THSD7B: variants seen among roughly 807,000 people sequenced by gnomAD.
THSD7B encodes the protein thrombospondin type-1 domain-containing protein 7B.
THSD7B carries 138 observed loss-of-function variants against 213.6 expected under a neutral mutation model. The observed-to-expected ratio is 0.65, with a 90% CI of 0.56 to 0.74. The LOEUF is 0.74. THSD7B is among the 30% of genes least tolerant of loss of function. The probability of loss-of-function intolerance (pLI) is 0.00; values close to 1 mark genes in which losing one functional copy is unlikely to be tolerated. For synonymous variants in THSD7B, 742 were observed against 687.0 expected (o/e 1.08, Z -1.25); for missense variants, 1,931 against 1,991.5 (o/e 0.97, Z 0.58).
At chr2:137,231,719 G>T (rs994404289) in intron 8 of THSD7B, among the ~76,000 whole-genome samples, 1 of 152,176 alleles carries the variant, frequency 6.6e-6, no homozygotes, top group Non-Finnish European at 1.5e-5. Flanking sequence ...TCTGCAGGAG[G>T]GGGGCACATC....
chr2:137,366,135 G>T (rs145654120), intron 12 of THSD7B, among the ~76,000 whole-genome samples: 1 of 152,042 alleles, frequency 6.6e-6, no homozygotes, highest in Non-Finnish European at 1.5e-5. Context: ...GCAAACTATC[G>T]CAAGGACAGA....
At chr2:137,073,113 C>A (rs1019213895) in intron 3 of THSD7B, among the ~76,000 whole-genome samples, 17 of 152,222 alleles carry the variant, frequency 1.1e-4, no homozygotes, top group African/African-American at 3.9e-4. Context: ...ATGATGCTGG[C>A]CTCATAAAAT....
intron 1 of THSD7B, among the ~76,000 whole-genome samples, chr2:136,775,675 T>C (rs1681588422): frequency 6.6e-6 from 1 of 152,106 alleles, no homozygotes; most frequent in African/African-American, 2.4e-5. Flanking sequence ...TCTTGAAGAA[T>C]ATAGTGTTAA....
chr2:137,348,703 CTTT>C (rs80150345), intron 12 of THSD7B, among the ~76,000 whole-genome samples: 102 of 110,906 alleles, frequency 9.2e-4, no homozygotes, highest in African/African-American at 3.4e-3. Flanking sequence ...CTATGAACTC[CTTT>C]TTTTTTTTTT....
chr2:137,246,648 G>A (rs1403258719), intron 10 of THSD7B, among the ~76,000 whole-genome samples: 1 of 152,136 alleles, frequency 6.6e-6, no homozygotes, highest in Non-Finnish European at 1.5e-5. Flanking sequence ...AAGGATCAAT[G>A]ATAGTCTCAT....
chr2:137,666,674 G>A (rs1683454262), intron 26 of THSD7B, among the ~76,000 whole-genome samples: 1 of 151,906 alleles, frequency 6.6e-6, no homozygotes, highest in Admixed American at 6.6e-5. Context: ...GGGATGCTGA[G>A]ACATTGCCTT....
At chr2:137,634,258 T>C (rs1280983369) in intron 20 of THSD7B, among the ~76,000 whole-genome samples, 1 of 152,162 alleles carries the variant, frequency 6.6e-6, no homozygotes, top group Non-Finnish European at 1.5e-5. Context: ...CCAATGATTG[T>C]GCATAAACTT....
At chr2:137,153,938 G>C (rs929367938) in intron 5 of THSD7B, among the ~76,000 whole-genome samples, 13 of 152,150 alleles carry the variant, frequency 8.5e-5, no homozygotes, top group African/African-American at 3.1e-4. Context: ...AAAGCCCATG[G>C]AATTGGGGAG....
intron 15 of THSD7B, among the ~76,000 whole-genome samples, chr2:137,507,692 T>G (rs1679868608): frequency 6.6e-6 from 1 of 152,188 alleles, no homozygotes; most frequent in Non-Finnish European, 1.5e-5. Context: ...TCCTTTTTCT[T>G]CCTCTTTTTC....
At chr2:136,888,491 GGA>G (rs1558839052) in intron 2 of THSD7B, among the ~76,000 whole-genome samples, 2 of 151,964 alleles carry the variant, frequency 1.3e-5, no homozygotes, top group African/African-American at 4.8e-5. Flanking sequence ...AATGTTCTTA[GGA>G]GAGAGCTATT....
At chr2:136,975,093 A>G (rs1293029134) in intron 2 of THSD7B, among the ~76,000 whole-genome samples, 1 of 144,144 alleles carries the variant, frequency 6.9e-6, no homozygotes, top group South Asian at 2.2e-4. Flanking sequence ...GACTCTGGAT[A>G]TTAGACCTTT....
At chr2:136,862,729 G>T (rs1683274151) in intron 1 of THSD7B, among the ~76,000 whole-genome samples, 2 of 152,162 alleles carry the variant, frequency 1.3e-5, no homozygotes, top group African/African-American at 4.8e-5. Context: ...GTAGAAAAAA[G>T]CATTTTATTC....
At chr2:137,665,439 A>ATG (rs1245391279) in intron 26 of THSD7B, among the ~76,000 whole-genome samples, 5 of 151,748 alleles carry the variant, frequency 3.3e-5, no homozygotes, top group Admixed American at 1.3e-4. Flanking sequence ...TATAAATTGC[A>ATG]TGTGTGTGTG....
intron 15 of THSD7B, among the ~76,000 whole-genome samples, chr2:137,452,444 G>C (rs1188171463): frequency 6.6e-6 from 1 of 152,088 alleles, no homozygotes; most frequent in African/African-American, 2.4e-5. Flanking sequence ...TCAGGAGGGA[G>C]ACTTTTAGGG....
At chr2:137,554,026 C>A (rs1044448340) in intron 15 of THSD7B, among the ~76,000 whole-genome samples, 1 of 143,814 alleles carries the variant, frequency 7.0e-6, no homozygotes, top group Non-Finnish European at 1.5e-5. Context: ...AAGATAGCTA[C>A]TTTTTTTTTT....
intron 14 of THSD7B, among the ~76,000 whole-genome samples, chr2:137,448,507 G>T (rs1687584649): frequency 1.3e-5 from 2 of 152,136 alleles, no homozygotes; most frequent in South Asian, 4.1e-4. Context: ...ATCTGAATGT[G>T]TTTAAAAACT....
At chr2:137,344,608 AGT>A (rs945954341) in intron 12 of THSD7B, among the ~76,000 whole-genome samples, 6 of 151,724 alleles carry the variant, frequency 4.0e-5, no homozygotes, top group African/African-American at 1.2e-4. Flanking sequence ...ACAAACCGGG[AGT>A]GTTAGAGCTA....
chr2:137,352,926 AACAG>A (rs1221509246), intron 12 of THSD7B, among the ~76,000 whole-genome samples: 1 of 152,018 alleles, frequency 6.6e-6, no homozygotes, highest in Non-Finnish European at 1.5e-5. Context: ...ATGCATTTCT[AACAG>A]ACAGATTTGG....
intron 2 of THSD7B, among the ~76,000 whole-genome samples, chr2:136,930,460 A>T (rs1684608025): frequency 6.6e-6 from 1 of 152,224 alleles, no homozygotes; most frequent in South Asian, 2.1e-4. Flanking sequence ...AAGAAGCTTT[A>T]AGACTAAATG....
Sources: allele counts gnomAD v4.1 joint callset (sites outside exome capture counted in the v4.1 genomes callset), GRCh38; gene constraint gnomAD v4.1.1; transcripts MANE v1.5; gene names NCBI Gene and HGNC (gene_info 2026-07-23, HGNC 2026-07-21).